The following DHRS7B variants were observed in gnomAD, a reference collection of about 807,000 sequenced individuals.
DHRS7B encodes the protein peroxisomal reductase activating PPAR-gamma.
Under a neutral mutation model 26.4 loss-of-function variants are expected in DHRS7B, and 24 were observed. The observed-to-expected ratio is 0.91, with a 90% confidence interval of 0.66 to 1.28. The LOEUF is 1.28. DHRS7B is among the 50% of genes most tolerant of loss of function. DHRS7B has a pLI of 0.00. For synonymous variants in DHRS7B, 142 were observed against 166.4 expected (o/e 0.85, Z 1.13); for missense variants, 368 against 419.4 (o/e 0.88, Z 1.07).
At chr17:21,141,654 A>G (rs1973517823) in intron 1 of DHRS7B, among the ~76,000 whole-genome samples, 1 of 139,380 alleles carries the variant, frequency 7.2e-6, no homozygotes, top group South Asian at 2.4e-4. Context: ...CCTCATCTCA[A>G]ACTCCACAAA....
rs776332619 is a variant in DHRS7B, at chr17:21,188,842, G to A, written c.751G>A (p.Ala251Thr). The change falls in exon 6 of 7, where the codon GCG becomes ACG. Residue 251 changes from alanine to threonine, a missense_variant. Coordinates refer to ENST00000395511, the MANE Select transcript of DHRS7B (RefSeq NM_015510.5). The part of the protein sequence containing the change: ...HTNLSVNAIT[A>T]DGSRYGVMDT... Reference sequence around the variant, plus strand: ...CAACCTCTCTGTAAATGCCATCACCGCGGATGGATCTAGGTATGGAGGTGA... The same window carrying A: ...CAACCTCTCTGTAAATGCCATCACCACGGATGGATCTAGGTATGGAGGTGA... The A allele has an allele frequency of 3.7e-6, 6 of 1,614,162 alleles. No homozygotes were observed. The highest frequency in any genetic ancestry group is 3.3e-5 in the South Asian group (3 of 91,082).
At chr17:21,127,057 C>T (rs1973115020) in intron 1 of DHRS7B, 66 bp downstream of exon 1, 3 of 1,436,448 alleles carry the variant, frequency 2.1e-6, no homozygotes, top group Non-Finnish European at 2.7e-6. Context: ...GCTGAGGCGA[C>T]GCCCCGGCTT....
intron 1 of DHRS7B, among the ~76,000 whole-genome samples, chr17:21,156,025 C>A (rs2144028319): frequency 2.0e-5 from 3 of 151,998 alleles, no homozygotes; most frequent in Middle Eastern, 6.8e-3. Flanking sequence ...GATCTAAAAT[C>A]AACAATCTAA....
intron 6 of DHRS7B, 48 bp downstream of exon 6, chr17:21,188,911 A>G (rs1359538014): frequency 1.9e-6 from 3 of 1,606,618 alleles, no homozygotes; most frequent in South Asian, 1.1e-5. Flanking sequence ...TCGGTCAGCC[A>G]CAGTGAGACA....
In DHRS7B at chr17:21,172,157, G is replaced by A. The variant is rs1452946359; in HGVS notation, c.160G>A (p.Val54Met). ...VRGKAYLRNA[V>M]VVITGATSGL... is the part of the protein sequence containing the mutation. Reference sequence around the variant, plus strand: ...CGGGAAGGCCTACCTGCGGAATGCTGTGGTGGTGATCACAGGCGCCACCTC... The same window carrying A: ...CGGGAAGGCCTACCTGCGGAATGCTATGGTGGTGATCACAGGCGCCACCTC... The change falls in exon 2 of 7, where the codon GTG (valine) becomes ATG (methionine). Residue 54 changes from valine (V) to methionine (M), a missense_variant. Physicochemically the swap from Val to Met is conservative, Grantham distance 21. Transcript: ENST00000395511. The A allele has an allele frequency of 6.2e-7, 1 of 1,613,838 alleles. No homozygotes were observed. Among genetic ancestry groups the A allele is most frequent in the Non-Finnish European group, 8.5e-7 (1 of 1,179,876 alleles).
At chr17:21,137,450 C>T (rs1337696892) in intron 1 of DHRS7B, among the ~76,000 whole-genome samples, 1 of 151,354 alleles carries the variant, frequency 6.6e-6, no homozygotes, top group East Asian at 2.0e-4. Context: ...CCTGCCACCA[C>T]GCCTGGCTAA....
At chr17:21,190,320 C>T (rs1047318178) in intron 6 of DHRS7B, among the ~76,000 whole-genome samples, 1 of 152,196 alleles carries the variant, frequency 6.6e-6, no homozygotes, top group Non-Finnish European at 1.5e-5. Context: ...TAATCTCTCC[C>T]AGCTGTTCCT....
intron 1 of DHRS7B, among the ~76,000 whole-genome samples, chr17:21,132,153 C>T (rs1466070871): frequency 2.0e-5 from 3 of 151,962 alleles, no homozygotes; most frequent in African/African-American, 4.8e-5. Flanking sequence ...GGGGTAGCTA[C>T]ATGGTTGGAT....
intron 5 of DHRS7B, among the ~76,000 whole-genome samples, chr17:21,185,940 A>C (rs1257615196): frequency 6.6e-6 from 1 of 152,168 alleles, no homozygotes; most frequent in Non-Finnish European, 1.5e-5. Flanking sequence ...CGCCCACCTC[A>C]GCCTCCCAAA....
chr17:21,189,031 C>T (rs1974716918), intron 6 of DHRS7B, among the ~76,000 whole-genome samples, 168 bp downstream of exon 6: 1 of 152,182 alleles, frequency 6.6e-6, no homozygotes, highest in Non-Finnish European at 1.5e-5. Flanking sequence ...ATTGAATAAT[C>T]TTCTTTTACC....
chr17:21,155,112 A>C (rs1023072702), intron 1 of DHRS7B, among the ~76,000 whole-genome samples: 2 of 152,242 alleles, frequency 1.3e-5, no homozygotes, highest in African/African-American at 4.8e-5. Context: ...AAAATTAACG[A>C]ATATGGTAGC....
chr17:21,147,642 G>T (rs1257197683), intron 1 of DHRS7B, among the ~76,000 whole-genome samples: 1 of 152,164 alleles, frequency 6.6e-6, no homozygotes, highest in Non-Finnish European at 1.5e-5. Flanking sequence ...ACTGGAAAAA[G>T]TAAGACTGAG....
chr17:21,147,572 A>G (rs1398992344), intron 1 of DHRS7B, among the ~76,000 whole-genome samples: 2 of 152,200 alleles, frequency 1.3e-5, no homozygotes, highest in African/African-American at 4.8e-5. Flanking sequence ...TTGGACTTCC[A>G]TATCCCTTCT....
chr17:21,172,085 G>A lies in DHRS7B; in HGVS notation c.88G>A (p.Gly30Ser), dbSNP rs760273532. 4 of 1,614,068 alleles carry A rather than the reference G, an allele frequency of 2.5e-6. No individual in the cohort carries two copies. Among genetic ancestry groups the A allele is most frequent in the Non-Finnish European group, 3.4e-6 (4 of 1,180,046 alleles). ...TSTAILPLLF[G>S]CLGVFGLFRL... Reference sequence around the variant, plus strand: ...CACAGCCATCCTGCCCCTGCTGTTCGGCTGCCTGGGCGTCTTCGGCCTCTT... The same window carrying A: ...CACAGCCATCCTGCCCCTGCTGTTCAGCTGCCTGGGCGTCTTCGGCCTCTT... The change falls in exon 2 of 7, where the codon GGC becomes AGC. Residue 30 changes from glycine to serine, a missense_variant. Transcript: ENST00000395511.
At chr17:21,155,394 G>A (rs754820546) in intron 1 of DHRS7B, among the ~76,000 whole-genome samples, 1 of 152,164 alleles carries the variant, frequency 6.6e-6, no homozygotes, top group East Asian at 1.9e-4. Context: ...CAGGGTTAAA[G>A]AGCATTACAT....
chr17:21,138,066 T>TTAAA (rs71357468), intron 1 of DHRS7B, among the ~76,000 whole-genome samples: 2,571 of 34,698 alleles, frequency 0.074, 119 homozygotes, highest in Middle Eastern at 0.1. Context: ...CGGCCTCTTT[T>TTAAA]AAAAAAAAAA....
At chr17:21,176,918 G>C (rs2144161134) in intron 2 of DHRS7B, among the ~76,000 whole-genome samples, 1 of 152,188 alleles carries the variant, frequency 6.6e-6, no homozygotes, top group East Asian at 1.9e-4. Context: ...TTGGGGCACT[G>C]AACATTTACA....
intron 1 of DHRS7B, among the ~76,000 whole-genome samples, chr17:21,132,635 A>G (rs1033326342): frequency 1.3e-5 from 2 of 151,422 alleles, no homozygotes; most frequent in Admixed American, 6.6e-5. Flanking sequence ...TTGGCTGCCT[A>G]TGACTGGCTG....
At chr17:21,175,914 G>A (rs559876430) in intron 2 of DHRS7B, among the ~76,000 whole-genome samples, 13 of 137,172 alleles carry the variant, frequency 9.5e-5, no homozygotes, top group South Asian at 7.7e-4. Flanking sequence ...GGTGCAGAGC[G>A]AGACCCTGTA....
Sources: allele counts gnomAD v4.1 joint callset (sites outside exome capture counted in the v4.1 genomes callset), GRCh38; gene constraint gnomAD v4.1.1; transcripts MANE v1.5; gene names NCBI Gene and HGNC (gene_info 2026-07-23, HGNC 2026-07-21).